Variants in LAMA3 observed in about 807,000 individuals in gnomAD.
The protein encoded by LAMA3 is laminin subunit alpha-3.
Under a neutral mutation model 402.0 loss-of-function variants are expected in LAMA3, and 281 were observed. The ratio of observed to expected loss-of-function variants is 0.70; its 90% CI spans 0.63 to 0.77. The LOEUF (loss-of-function observed/expected upper bound fraction) is 0.77, where lower values mean the gene tolerates loss of function less well. LAMA3 is among the 30% of genes least tolerant of loss of function. The pLI is 0.00. For missense variants in LAMA3, 3,840 were observed against 4,215.5 expected, an observed-to-expected ratio of 0.91 and a Z score of 2.47; for synonymous variants, 1,431 against 1,558.4, an observed-to-expected ratio of 0.92 and a Z score of 1.93.
rs1050953747 is a variant in LAMA3, at chr18:23,714,708, A to G, written c.447+636A>G. ...TTTGTCATCCTAACCATTTTTAAGT[A>G]TATGGTTCAGTGGCATTATGTACAT... On this transcript the variant is annotated intron_variant, in intron 2 of 74. Transcript: ENST00000313654. 2.6e-5 allele frequency among the ~76,000 whole-genome samples: 4 copies of G among 152,190 alleles called. No homozygotes were observed. The East Asian group carries it at 5.8e-4, about 22-fold the overall frequency.
At chr18:23,884,698 C>A in intron 40 of LAMA3, 75 bp from the exon 41 acceptor site, 2 of 1,333,558 alleles carry the variant, frequency 1.5e-6, no homozygotes, top group Admixed American at 3.4e-5. Context: ...ACAAGCCAGT[C>A]CTTTGTGGTA....
rs117571070 is a variant in LAMA3 at position 23,735,276 on chromosome 18, A to G, written c.448-12667A>G. ...TCAACATTTCAAAAGATTCCCTGGGATTTTTGCCAAGTCATTTGACCAGAA... is the reference window on the plus strand; with the variant it reads ...TCAACATTTCAAAAGATTCCCTGGGGTTTTTGCCAAGTCATTTGACCAGAA... On this transcript the variant is annotated intron_variant, in intron 2 of 74. Transcript: ENST00000313654. Among the ~76,000 whole-genome samples the G allele has an allele frequency of 8.4e-3, 1,276 of 152,240 alleles. 7 individuals carry two copies. Among genetic ancestry groups the G allele is most frequent in the Non-Finnish European group, 0.013 (866 of 68,014 alleles).
chr18:23,751,678 T>C (rs1261839535), intron 5 of LAMA3, among the ~76,000 whole-genome samples: 1 of 152,214 alleles, frequency 6.6e-6, no homozygotes, highest in Non-Finnish European at 1.5e-5. Flanking sequence ...GGTGATGTCA[T>C]CTAGCTGAAA....
intron 32 of LAMA3, among the ~76,000 whole-genome samples, chr18:23,852,040 C>A (rs1312336047): frequency 6.6e-6 from 1 of 152,136 alleles, no homozygotes; most frequent in Non-Finnish European, 1.5e-5. Context: ...TAGAATCAAC[C>A]CATTTTCCCT....
intron 64 of LAMA3, among the ~76,000 whole-genome samples, chr18:23,930,073 A>G (rs2082119029): frequency 1.3e-5 from 2 of 152,144 alleles, no homozygotes; most frequent in South Asian, 4.1e-4. Context: ...AACAATGGCT[A>G]TAACCACACA....
In LAMA3 at chr18:23,954,617, C is replaced by T. The variant is rs367776527; in HGVS notation, c.9971C>T (p.Pro3324Leu). The change falls in exon 75 of 75, where the codon CCT becomes CTT. Residue 3324 changes from proline (P) to leucine (L), a missense_variant. By Grantham distance (98) the Pro-to-Leu change is moderately conservative (BLOSUM62 -3). Transcript: ENST00000313654. ...PVTEALEVQGPVSLNGCPDQ is the reference protein window; with the variant it reads ...PVTEALEVQGLVSLNGCPDQ ...ACTGAAGCCTTGGAAGTCCAGGGGC[C>T]TGTCAGTCTGAATGGTTGTCCTGAC... 2 of 1,613,936 alleles carry T rather than the reference C, an allele frequency of 1.2e-6. No individual in the cohort carries two copies. The highest frequency in any genetic ancestry group is 1.3e-5 in the African/African-American group (1 of 74,894).
chr18:23,826,929 T>C (rs2063394189), intron 22 of LAMA3, 130 bp downstream of exon 22: 4 of 679,914 alleles, frequency 5.9e-6, no homozygotes, highest in Middle Eastern at 3.8e-4. Context: ...AGTTGTTATC[T>C]TCCTCTATGT....
chr18:23,824,049 T>TA (rs1020154668), intron 20 of LAMA3, among the ~76,000 whole-genome samples: 12 of 152,026 alleles, frequency 7.9e-5, no homozygotes, highest in South Asian at 4.2e-4. Context: ...ACCCTGGCTT[T>TA]AAAAAAAACT....
chr18:23,922,954 C>G (rs1056017887), intron 62 of LAMA3, among the ~76,000 whole-genome samples: 1 of 152,132 alleles, frequency 6.6e-6, no homozygotes, highest in African/African-American at 2.4e-5. Flanking sequence ...GAGAACATGA[C>G]GTGTGCCATA....
At chr18:23,776,039 G>A in intron 10 of LAMA3, 116 bp downstream of exon 10, 1 of 1,067,934 alleles carries the variant, frequency 9.4e-7, no homozygotes, top group Non-Finnish European at 1.4e-6. Flanking sequence ...ATGGGGCCAG[G>A]TGGGTTGTAT....
chr18:23,840,989 T>C (rs566535959), intron 27 of LAMA3, among the ~76,000 whole-genome samples: 1 of 152,360 alleles, frequency 6.6e-6, no homozygotes, highest in Admixed American at 6.5e-5. Flanking sequence ...ATTTTGGATT[T>C]TCAGTTTAGG....
chr18:23,692,797 A>T (rs2060616655), intron 1 of LAMA3, among the ~76,000 whole-genome samples: 2 of 151,776 alleles, frequency 1.3e-5, no homozygotes, highest in Admixed American at 1.3e-4. Flanking sequence ...TTCCTTTTCT[A>T]TATATATTTA....
At chr18:23,699,241 C>T (rs956907668) in intron 1 of LAMA3, among the ~76,000 whole-genome samples, 5 of 152,146 alleles carry the variant, frequency 3.3e-5, no homozygotes, top group Admixed American at 6.5e-5. Context: ...TGTTGTTACA[C>T]GTTTTGAATG....
At chr18:23,838,364 G>A (rs2063628375) in intron 25 of LAMA3, among the ~76,000 whole-genome samples, 1 of 152,180 alleles carries the variant, frequency 6.6e-6, no homozygotes, top group Non-Finnish European at 1.5e-5. Flanking sequence ...ATTTCTAGCA[G>A]TGGCAGCCCT....
At chr18:23,804,803 T>A (rs1040025398) in intron 12 of LAMA3, among the ~76,000 whole-genome samples, 1 of 152,114 alleles carries the variant, frequency 6.6e-6, no homozygotes, top group African/African-American at 2.4e-5. Context: ...TCTCTCTGAG[T>A]TCACTTGAGA....
intron 1 of LAMA3, among the ~76,000 whole-genome samples, chr18:23,701,886 T>C (rs1030161896): frequency 3.9e-5 from 6 of 152,066 alleles, no homozygotes; most frequent in African/African-American, 1.4e-4. Flanking sequence ...CTTGGAGTGA[T>C]TGAGAAACAG....
chr18:23,826,822 A>C, intron 22 of LAMA3, 23 bp downstream of exon 22: 1 of 1,454,640 alleles, frequency 6.9e-7, no homozygotes, highest in Non-Finnish European at 9.5e-7. Context: ...CAGAAGGTGC[A>C]GCCGCATCAT....
At chr18:23,782,331 G>C (rs1481391560) in intron 11 of LAMA3, among the ~76,000 whole-genome samples, 1 of 152,040 alleles carries the variant, frequency 6.6e-6, no homozygotes, top group Non-Finnish European at 1.5e-5. Context: ...TGAGGCAGGC[G>C]GATCACCTGA....
intron 23 of LAMA3, among the ~76,000 whole-genome samples, chr18:23,832,221 A>G (rs1394521747): frequency 6.6e-6 from 1 of 152,168 alleles, no homozygotes; most frequent in Non-Finnish European, 1.5e-5. Context: ...TGGGGTAATG[A>G]CAGTCAGGCC....
Sources: allele counts gnomAD v4.1 joint callset (sites outside exome capture counted in the v4.1 genomes callset), GRCh38; gene constraint gnomAD v4.1.1; transcripts MANE v1.5; gene names NCBI Gene and HGNC (gene_info 2026-07-23, HGNC 2026-07-21).